Variants in RAB38 observed in about 807,000 individuals in gnomAD.
RAB38 encodes ras-related protein Rab-38.
In RAB38, 15 loss-of-function variants were observed where a neutral mutation model predicts 18.4. That is an observed-to-expected ratio of 0.82 (90% CI 0.55 to 1.26). The LOEUF (loss-of-function observed/expected upper bound fraction) is 1.26, where lower values mean the gene tolerates loss of function less well. Among genes scored for constraint, RAB38 ranks in the 50% most tolerant of loss-of-function variants. The pLI, the probability that RAB38 is intolerant of heterozygous loss-of-function variation, is 0.00. For synonymous variants in RAB38, 101 were observed against 104.4 expected, an observed-to-expected ratio of 0.97 and a Z score of 0.20; for missense variants, 294 against 267.4, an observed-to-expected ratio of 1.10 and a Z score of -0.69.
chr11:87,972,811 G>A, the RAB38 span, among the ~76,000 whole-genome samples: 1 of 152,028 alleles, frequency 6.6e-6, no homozygotes, highest in South Asian at 2.1e-4. Context: ...TTGGACTTGT[G>A]TCCCCACTCA....
rs200028642 is a variant in RAB38 at position 88,130,954 on chromosome 11, T to C, written c.484-16814A>G. On this transcript the variant is annotated intron_variant, in intron 2 of 2. Transcript: ENST00000243662. ...TTGTTGGTAAGTATAAATTAGTTCA[T>C]CATTTTTGAAAATATGTGATAAGAA... Among the ~76,000 whole-genome samples, 13 of 152,300 alleles carry C rather than the reference T, an allele frequency of 8.5e-5. No individual in the cohort carries two copies. The East Asian group carries it at 2.1e-3, about 25-fold the overall frequency.
the RAB38 span, among the ~76,000 whole-genome samples, chr11:87,972,329 AAC>A: frequency 6.6e-6 from 1 of 152,078 alleles, no homozygotes; most frequent in African/African-American, 2.4e-5. Context: ...GCAGAAGTGA[AAC>A]ACAGTATTGA....
chr11:87,872,210 G>A, the RAB38 span, among the ~76,000 whole-genome samples: 1 of 151,416 alleles, frequency 6.6e-6, no homozygotes, highest in Non-Finnish European at 1.5e-5. Flanking sequence ...TATGCATATT[G>A]GCCATTGAAA....
the RAB38 span, among the ~76,000 whole-genome samples, chr11:87,813,974 T>A: frequency 6.6e-6 from 1 of 152,214 alleles, no homozygotes; most frequent in Non-Finnish European, 1.5e-5. Flanking sequence ...TCAGGTGATC[T>A]AGAGGGCATT....
chr11:87,929,852 A>T, the RAB38 span, among the ~76,000 whole-genome samples: 1 of 151,746 alleles, frequency 6.6e-6, no homozygotes, highest in Non-Finnish European at 1.5e-5. Flanking sequence ...GCTGAGAATG[A>T]TGGTTTCCAG....
the RAB38 span, among the ~76,000 whole-genome samples, chr11:87,828,887 C>T: frequency 6.6e-6 from 1 of 152,070 alleles, no homozygotes; most frequent in South Asian, 2.1e-4. Flanking sequence ...GCTAATTTAT[C>T]CACAACTTCC....
the RAB38 span, among the ~76,000 whole-genome samples, chr11:87,954,574 T>G: frequency 1.2e-4 from 19 of 152,038 alleles, no homozygotes; most frequent in Non-Finnish European, 2.2e-4. Context: ...TTCTGTGCCT[T>G]ATCTGAACAA....
chr11:88,100,174 C>G, the RAB38 span: 1 of 151,848 alleles, frequency 6.6e-6, no homozygotes, highest in Non-Finnish European at 1.5e-5. Context: ...CACACAAAGA[C>G]AAAACAACAA....
At chr11:88,051,956 T>C in the RAB38 span, among the ~76,000 whole-genome samples, 1 of 151,988 alleles carries the variant, frequency 6.6e-6, no homozygotes, top group Admixed American at 6.6e-5. Context: ...AAACACCTTC[T>C]CTACTAAATA....
the RAB38 span, among the ~76,000 whole-genome samples, chr11:87,974,355 G>GAA: frequency 6.8e-6 from 1 of 146,340 alleles, no homozygotes; most frequent in Non-Finnish European, 1.5e-5. Context: ...AACCCTGAAA[G>GAA]AAAAAAAAAA....
At chr11:88,069,350 G>A in the RAB38 span, among the ~76,000 whole-genome samples, 4,200 of 152,304 alleles carry the variant, frequency 0.028, 92 homozygotes, top group Non-Finnish European at 0.042. Flanking sequence ...GGGCTCCCAC[G>A]TGGCCCAAGC....
the RAB38 span, among the ~76,000 whole-genome samples, chr11:88,008,794 C>T: frequency 6.6e-6 from 1 of 152,246 alleles, no homozygotes; most frequent in Non-Finnish European, 1.5e-5. Flanking sequence ...CAGCCTCAGC[C>T]TCCCAAGTAG....
the RAB38 span, among the ~76,000 whole-genome samples, chr11:87,947,227 T>G: frequency 2.4e-5 from 3 of 126,378 alleles, no homozygotes; most frequent in Non-Finnish European, 3.4e-5. Context: ...CACCCACTTT[T>G]TGATGGGGTT....
chr11:87,920,175 T>G, the RAB38 span, among the ~76,000 whole-genome samples: 2 of 151,900 alleles, frequency 1.3e-5, no homozygotes, highest in African/African-American at 4.8e-5. Flanking sequence ...ATTTTCTTCC[T>G]TCTGCTAATT....
chr11:87,977,458 T>A, the RAB38 span, among the ~76,000 whole-genome samples: 2 of 44,872 alleles, frequency 4.5e-5, no homozygotes, highest in Non-Finnish European at 7.9e-5. Context: ...TATTACATAA[T>A]ATAATTATAT....
At chr11:87,941,212 GAGATAT>G in the RAB38 span, among the ~76,000 whole-genome samples, 666 of 37,798 alleles carry the variant, frequency 0.018, 31 homozygotes, top group African/African-American at 0.078. Flanking sequence ...ATAAATATAT[GAGATAT>G]ATATATATAT....
the RAB38 span, among the ~76,000 whole-genome samples, chr11:87,852,693 CTGAA>C: frequency 1.3e-5 from 2 of 152,096 alleles, no homozygotes; most frequent in African/African-American, 2.4e-5. Context: ...AGGATTAAAA[CTGAA>C]TGACGCTAGA....
At chr11:87,863,570 CTGTT>C in the RAB38 span, among the ~76,000 whole-genome samples, 37,178 of 151,384 alleles carry the variant, frequency 0.25, 6,014 homozygotes, top group African/African-American at 0.46. Context: ...AGGCAGGACT[CTGTT>C]TGGCGCATGA....
the RAB38 span, among the ~76,000 whole-genome samples, chr11:87,968,484 G>C: frequency 3.3e-5 from 5 of 152,150 alleles, no homozygotes; most frequent in East Asian, 9.6e-4. Context: ...GAAGGAAGTT[G>C]TATGCCATAA....
Sources: gnomAD v4.1 joint callset for allele counts (sites outside exome capture counted in the v4.1 genomes callset) on GRCh38, gnomAD v4.1.1 for gene constraint, MANE v1.5 for transcripts, NCBI Gene and HGNC (gene_info 2026-07-23, HGNC 2026-07-21) for gene names.